Variants in KAZN observed in about 807,000 individuals in gnomAD.
The protein encoded by KAZN is kazrin.
KAZN carries 40 observed loss-of-function variants against 87.4 expected under a neutral mutation model. The observed-to-expected ratio is 0.46, with a 90% CI of 0.36 to 0.60. KAZN has a LOEUF of 0.60. Among genes scored for constraint, KAZN ranks in the 20% least tolerant of loss-of-function variants. The pLI, the probability that KAZN is intolerant of heterozygous loss-of-function variation, is 0.00. For synonymous variants in KAZN, 466 were observed against 458.3 expected (o/e 1.02, Z -0.22); for missense variants, 898 against 1,073.9 (o/e 0.84, Z 2.29).
chr1:14,907,227 C>T (rs879759096), intron 1 of KAZN, among the ~76,000 whole-genome samples: 2 of 151,444 alleles, frequency 1.3e-5, no homozygotes, highest in Admixed American at 1.3e-4. Flanking sequence ...GAAACCCCAT[C>T]TCTACCAAAA....
In KAZN at chr1:15,063,805, G is replaced by A. The variant is rs1044734191; in HGVS notation, c.1098+183G>A. Among the ~76,000 whole-genome samples the A allele has an allele frequency of 5.3e-5, 8 of 150,928 alleles. 1 individual carries two copies. Among genetic ancestry groups the A allele is most frequent in the South Asian group, 4.2e-4 (2 of 4,768 alleles). On this transcript the variant is annotated intron_variant, in intron 7 of 14. Coordinates refer to ENST00000376030, the MANE Select transcript of KAZN (RefSeq NM_201628.3). ...GGCGGAGAGGATTTATGCCACTTCCGCTGAGCCCACATCCATGCCGCACAC... is the reference window on the plus strand; with the variant it reads ...GGCGGAGAGGATTTATGCCACTTCCACTGAGCCCACATCCATGCCGCACAC...
At chr1:14,384,381 C>A in intron 2 of KAZN, among the ~76,000 whole-genome samples, 1 of 152,150 alleles carries the variant, frequency 6.6e-6, no homozygotes, top group Non-Finnish European at 1.5e-5. Context: ...AGGGGGCATT[C>A]CTGTCTTGTG....
chr1:14,911,559 C>T (rs2690026), intron 1 of KAZN, among the ~76,000 whole-genome samples: 56,004 of 152,026 alleles, frequency 0.37, 10,429 homozygotes, highest in South Asian at 0.52. Flanking sequence ...GGTCATTAGG[C>T]GCCGGAAGCT....
chr1:14,425,760 G>A (rs1404558715), intron 2 of KAZN, among the ~76,000 whole-genome samples: 2 of 152,130 alleles, frequency 1.3e-5, no homozygotes, highest in African/African-American at 4.8e-5. Context: ...CCCTGGTGAG[G>A]GGGACATTAT....
intron 1 of KAZN, among the ~76,000 whole-genome samples, chr1:14,710,517 G>C (rs1642428327): frequency 6.6e-6 from 1 of 152,086 alleles, no homozygotes; most frequent in East Asian, 1.9e-4. Flanking sequence ...TTAGAGCTTA[G>C]CCATACCAGC....
intron 2 of KAZN, among the ~76,000 whole-genome samples, chr1:14,496,164 G>A (rs1266498877): frequency 6.6e-6 from 1 of 152,172 alleles, no homozygotes; most frequent in African/African-American, 2.4e-5. Context: ...AGGCTTTAAA[G>A]GGGCTGCTGG....
chr1:14,243,430 C>T (rs1649162637), intron 2 of KAZN, among the ~76,000 whole-genome samples: 1 of 152,130 alleles, frequency 6.6e-6, no homozygotes, highest in Non-Finnish European at 1.5e-5. Context: ...GTAACATCGA[C>T]ATATAAATAA....
intron 1 of KAZN, among the ~76,000 whole-genome samples, chr1:14,736,280 T>G (rs1192495632): frequency 6.8e-6 from 1 of 146,140 alleles, no homozygotes; most frequent in East Asian, 2.0e-4. Context: ...TGTGTGTGTG[T>G]GTGTGTGTGT....
intron 2 of KAZN, among the ~76,000 whole-genome samples, chr1:14,456,102 A>G (rs1209547210): frequency 6.6e-6 from 1 of 152,250 alleles, no homozygotes; most frequent in Non-Finnish European, 1.5e-5. Flanking sequence ...TGAAAAGTGC[A>G]TGAGCATGCG....
intron 1 of KAZN, among the ~76,000 whole-genome samples, chr1:13,966,866 T>C (rs1313255338): frequency 6.6e-6 from 1 of 152,222 alleles, no homozygotes; most frequent in Non-Finnish European, 1.5e-5. Flanking sequence ...GACCTTTTTC[T>C]TTTTACTTTT....
chr1:14,229,457 T>A (rs1160920512), intron 2 of KAZN, among the ~76,000 whole-genome samples: 1 of 152,242 alleles, frequency 6.6e-6, no homozygotes, highest in Non-Finnish European at 1.5e-5. Flanking sequence ...GTGTAACATA[T>A]TTTATATAAA....
intron 1 of KAZN, among the ~76,000 whole-genome samples, chr1:14,810,940 G>A (rs1260991377): frequency 2.6e-5 from 4 of 152,232 alleles, no homozygotes; most frequent in Admixed American, 2.6e-4. Context: ...CCTTCTGAGG[G>A]CATAGGACAT....
chr1:14,069,841 T>G (rs1643170230), intron 1 of KAZN, among the ~76,000 whole-genome samples: 1 of 152,132 alleles, frequency 6.6e-6, no homozygotes, highest in African/African-American at 2.4e-5. Flanking sequence ...CACTTGCGTA[T>G]TGCTCTCTCC....
intron 1 of KAZN, among the ~76,000 whole-genome samples, chr1:13,994,370 C>G (rs1333924174): frequency 1.3e-5 from 2 of 152,204 alleles, no homozygotes; most frequent in East Asian, 3.9e-4. Context: ...AAAGTTGACT[C>G]ATGTCTTTTG....
chr1:14,030,653 C>T (rs1398431105), intron 1 of KAZN, among the ~76,000 whole-genome samples: 2 of 148,178 alleles, frequency 1.3e-5, no homozygotes, highest in Non-Finnish European at 1.5e-5. Flanking sequence ...CACACACACA[C>T]ACACACACAC....
intron 1 of KAZN, among the ~76,000 whole-genome samples, chr1:14,714,961 ATT>A (rs909847063): frequency 6.8e-6 from 1 of 146,816 alleles, no homozygotes; most frequent in African/African-American, 2.5e-5. Context: ...TGCCCAACTA[ATT>A]TTTTTTTTCT....
chr1:14,073,176 T>G (rs1287025538), intron 1 of KAZN, among the ~76,000 whole-genome samples: 3 of 152,096 alleles, frequency 2.0e-5, no homozygotes, highest in Non-Finnish European at 4.4e-5. Flanking sequence ...CTATCAATAT[T>G]TATATTGCTT....
intron 2 of KAZN, among the ~76,000 whole-genome samples, chr1:14,190,047 A>G (rs1211543280): frequency 6.6e-6 from 1 of 152,148 alleles, no homozygotes; most frequent in East Asian, 1.9e-4. Context: ...AGGCCTCTAC[A>G]TCCAACTTGG....
intron 2 of KAZN, among the ~76,000 whole-genome samples, chr1:14,364,236 T>C (rs1659772737): frequency 1.3e-5 from 2 of 152,244 alleles, no homozygotes; most frequent in Non-Finnish European, 2.9e-5. Context: ...GAGTAAGGGC[T>C]CAGGAGCCAG....
Sources: gnomAD v4.1 joint callset for allele counts (sites outside exome capture counted in the v4.1 genomes callset) on GRCh38, gnomAD v4.1.1 for gene constraint, MANE v1.5 for transcripts, NCBI Gene and HGNC (gene_info 2026-07-23, HGNC 2026-07-21) for gene names.